Variants in NRBP2 observed in about 807,000 individuals in gnomAD.
NRBP2 encodes the protein nuclear receptor-binding protein 2.
In NRBP2, 47 loss-of-function variants were observed where a neutral mutation model predicts 74.4. The observed-to-expected ratio is 0.63, with a 90% CI of 0.50 to 0.81. The LOEUF is 0.81. Among genes scored for constraint, NRBP2 ranks in the 30% least tolerant of loss-of-function variants. The pLI is 0.00. For synonymous variants in NRBP2, 312 were observed against 273.8 expected, an observed-to-expected ratio of 1.14 and a Z score of -1.38; for missense variants, 613 against 690.1, an observed-to-expected ratio of 0.89 and a Z score of 1.25.
downstream of NRBP2, among the ~76,000 whole-genome samples, chr8:143,830,129 A>G (rs909669930): frequency 6.6e-5 from 10 of 152,242 alleles, no homozygotes; most frequent in African/African-American, 2.2e-4. Flanking sequence ...TTTAATACAG[A>G]CACTTCTACT....
Position 143,839,925 on chromosome 8 carries a change from T to C in NRBP2, c.354+4A>G. ...TGCCTGCCCGGGGCCTTGCCCGTGC[T>C]CACCCTCGCGCAGGCCTCAGAGGTA... On this transcript the variant is annotated splice_donor_region_variant and intron_variant, in intron 3 of 17. Coordinates refer to ENST00000442628, the MANE Select transcript of NRBP2 (RefSeq NM_178564.4). The surrounding 1 kb of genome is among the most constrained non-coding windows in gnomAD (Gnocchi z 5.1). 1 of 1,535,946 alleles carries C rather than the reference T, an allele frequency of 6.5e-7. No individual in the cohort carries two copies. The highest frequency in any genetic ancestry group is 8.7e-7 in the Non-Finnish European group (1 of 1,146,760).
chr8:143,840,042 G>A lies in NRBP2; in HGVS notation c.253-12C>T. 6.5e-7 allele frequency: 1 copy of A among 1,536,164 alleles called. No individual in the cohort carries two copies. Among genetic ancestry groups the A allele is most frequent in the Non-Finnish European group, 8.7e-7 (1 of 1,146,900 alleles). ...GTCTGGATCTTCTCCTGGGGAGGGA[G>A]GGTGGTCGCTGGGTGGTCAGCAGGT... On this transcript the variant is annotated splice_polypyrimidine_tract_variant and intron_variant, in intron 2 of 17. Coordinates refer to ENST00000442628, the MANE Select transcript of NRBP2 (RefSeq NM_178564.4). The surrounding 1 kb of genome is among the most constrained non-coding windows in gnomAD (Gnocchi z 5.7).
In NRBP2 at chr8:143,835,888, C is replaced by T. The variant is rs781919962; in HGVS notation, c.1382-13G>A. 8.7e-5 allele frequency: 139 copies of T among 1,601,788 alleles called. No individual in the cohort carries two copies. Among genetic ancestry groups the T allele is most frequent in the Middle Eastern group, 8.3e-4 (5 of 6,060 alleles). On this transcript the variant is annotated splice_polypyrimidine_tract_variant and intron_variant, in intron 16 of 17. Coordinates refer to ENST00000442628, the MANE Select transcript of NRBP2 (RefSeq NM_178564.4). This position sits in a 1 kb window ranked among gnomAD's most constrained non-coding sequence, Gnocchi z 4.9. Reference sequence around the variant, plus strand: ...TGGGCGCTGTCCGCTGAGGCAATGGCGTAAGGCGAGGCATGAGGCCGCTGC... The same window carrying T: ...TGGGCGCTGTCCGCTGAGGCAATGGTGTAAGGCGAGGCATGAGGCCGCTGC...
At chr8:143,831,006 G>A (rs1180875781), downstream of NRBP2, among the ~76,000 whole-genome samples, 4 of 152,216 alleles carry the variant, frequency 2.6e-5, no homozygotes, top group African/African-American at 9.7e-5. Context: ...TGCTCTTAGG[G>A]CTAGCCTGGC....
At position 143,837,817 on chromosome 8, in the gene NRBP2, C is replaced by T. The variant is rs782389884; in HGVS notation, c.841-62G>A. 7.3e-5 allele frequency: 113 copies of T among 1,545,902 alleles called. 1 individual carries two copies. The highest frequency in any genetic ancestry group is 3.9e-5 in the Admixed American group (2 of 50,976). On this transcript the variant is annotated intron_variant, in intron 10 of 17. Transcript: ENST00000442628. The surrounding 1 kb of genome is among the most constrained non-coding windows in gnomAD (Gnocchi z 4.3). ...GGCTCTCTGCTCTGGCCCCGCAGTT[C>T]GAGGAGAGGTGGCCCCTGAGTTCCC... is the stretch of plus-strand genomic sequence containing the variant.
Position 143,837,837 on chromosome 8 carries a change from G to A in NRBP2, c.841-82C>T. 2.0e-6 allele frequency: 3 copies of A among 1,508,426 alleles called. No individual in the cohort carries two copies. Among genetic ancestry groups the A allele is most frequent in the Non-Finnish European group, 2.7e-6 (3 of 1,113,562 alleles). 93.4% of individuals were successfully genotyped at this position (1,508,426 alleles called of 1,614,324 possible). ...CAGTTCGAGGAGAGGTGGCCCCTGA[G>A]TTCCCCATGTCCCTCCTCAGGGACA... On this transcript the variant is annotated intron_variant, in intron 10 of 17. Coordinates refer to ENST00000442628, the MANE Select transcript of NRBP2 (RefSeq NM_178564.4). This position sits in a 1 kb window ranked among gnomAD's most constrained non-coding sequence, Gnocchi z 4.3.
chr8:143,836,940 G>A, intron 14 of NRBP2, 99 bp downstream of exon 14: 4 of 1,363,290 alleles, frequency 2.9e-6, no homozygotes, highest in African/African-American at 1.5e-5. Context: ...AGGAGAGCTG[G>A]GCTGTGGGGA....
Position 143,839,957 on chromosome 8 carries a change from C to T in NRBP2, c.326G>A (p.Trp109Ter). ...HPNIVKLHKY[W>*]LDTSEACARV... Reference sequence around the variant, plus strand: ...CGCGCAGGCCTCAGAGGTATCCAGCCAGTACTTGTGCAACTTCACGATGTT... The same window carrying T: ...CGCGCAGGCCTCAGAGGTATCCAGCTAGTACTTGTGCAACTTCACGATGTT... Residue 109 changes from tryptophan to a stop codon, truncating the protein, a stop_gained, in exon 3 of 18, where the codon TGG becomes TAG. Coordinates refer to ENST00000442628, the MANE Select transcript of NRBP2 (RefSeq NM_178564.4). LOFTEE classifies it high-confidence loss of function. This position sits in a 1 kb window ranked among gnomAD's most constrained non-coding sequence, Gnocchi z 5.1. 1 of 1,536,190 alleles carries T rather than the reference C, an allele frequency of 6.5e-7. No individual in the cohort carries two copies.
chr8:143,838,580 T>C (rs1554652540), intron 10 of NRBP2, 100 bp downstream of exon 10: 2 of 857,018 alleles, frequency 2.3e-6, no homozygotes, highest in African/African-American at 1.7e-5. Flanking sequence ...ACCCCTCAAC[T>C]GCACAAACTG....
Position 143,833,995 on chromosome 8 carries a change from T to C in NRBP2, c.*1667A>G, listed in dbSNP as rs1464714444. 1.3e-5 allele frequency: 2 copies of C among 152,250 alleles called. No individual in the cohort carries two copies. Among genetic ancestry groups the C allele is most frequent in the East Asian group, 3.8e-4 (2 of 5,206 alleles). The allele number at this position is 152,250 out of a possible 1,614,324, so 9.4% of individuals were successfully genotyped here. On this transcript the variant is annotated 3_prime_UTR_variant, in exon 18 of 18. Transcript: ENST00000442628. Reference sequence around the variant, plus strand: ...TTTATTTGATATGCGTTAGTAAGTCTTGCTTTGGTTTTTGGCTTTTGGTTG... The same window carrying C: ...TTTATTTGATATGCGTTAGTAAGTCCTGCTTTGGTTTTTGGCTTTTGGTTG...
rs1005270417 is a variant in NRBP2 at position 143,835,761 on chromosome 8, G to C, written c.1438-31C>G. On this transcript the variant is annotated intron_variant, in intron 17 of 17. Coordinates refer to ENST00000442628, the MANE Select transcript of NRBP2 (RefSeq NM_178564.4). This position sits in a 1 kb window ranked among gnomAD's most constrained non-coding sequence, Gnocchi z 4.9. ...GAAGGAGGGAGGCATGGGGGACGGA[G>C]GGGCGCGGCCTGCCCCGTGCGCCCC... 3 of 1,595,170 alleles carry C rather than the reference G, an allele frequency of 1.9e-6. No individual in the cohort carries two copies. The highest frequency in any genetic ancestry group is 2.7e-5 in the African/African-American group (2 of 74,044).
chr8:143,838,304 G>A (rs1554652481), intron 10 of NRBP2, among the ~76,000 whole-genome samples: 1 of 151,736 alleles, frequency 6.6e-6, no homozygotes, highest in Non-Finnish European at 1.5e-5. Flanking sequence ...ATCACCTCCT[G>A]GAAGCTTAAA....
Position 143,835,992 on chromosome 8 carries a change from C to T in NRBP2, c.1356G>A (p.Arg452=), listed in dbSNP as rs1818358862. 1 of 1,577,482 alleles carries T rather than the reference C, an allele frequency of 6.3e-7. No individual in the cohort carries two copies. Among genetic ancestry groups the T allele is most frequent in the Non-Finnish European group, 8.6e-7 (1 of 1,162,178 alleles). The change falls in exon 16 of 18, where the codon CGG becomes CGA. Residue 452 remains arginine, a synonymous_variant. Transcript: ENST00000442628. The surrounding 1 kb of genome is among the most constrained non-coding windows in gnomAD (Gnocchi z 4.9). ...LLLVLEDRLH[R]QLTYDLLPTD... is the part of the protein sequence containing the mutation. ...TTGGGAGCAGGTCGTAGGTCAGCTG[C>T]CGGTGCAGCCGGTCTTCCAGCACCA...
downstream of NRBP2, chr8:143,829,997 A>T (rs1210969394): frequency 2.6e-5 from 4 of 152,428 alleles, no homozygotes; most frequent in East Asian, 7.7e-4. Flanking sequence ...TGCTGCACCC[A>T]GTCCCGAGAC....
At chr8:143,832,970 T>C (rs1432021514), downstream of NRBP2, among the ~76,000 whole-genome samples, 1 of 152,060 alleles carries the variant, frequency 6.6e-6, no homozygotes, top group African/African-American at 2.4e-5. Context: ...GACAAACAGG[T>C]AAAGACTCCA....
downstream of NRBP2, among the ~76,000 whole-genome samples, chr8:143,831,282 C>T (rs1315672713): frequency 6.6e-6 from 1 of 152,234 alleles, no homozygotes; most frequent in Non-Finnish European, 1.5e-5. Context: ...AGAATGGCTC[C>T]AGAGCCTGTG....
chr8:143,839,593 G>A lies in NRBP2; in HGVS notation c.445-44C>T, dbSNP rs782429474. 2.0e-6 allele frequency: 3 copies of A among 1,517,712 alleles called. No homozygotes were observed. Among genetic ancestry groups the A allele is most frequent in the Non-Finnish European group, 8.8e-7 (1 of 1,138,716 alleles). The allele number at this position is 1,517,712 out of a possible 1,614,324, so 94.0% of individuals were successfully genotyped here. A position where few individuals can be genotyped will look rare whatever the true frequency, so the allele number is the denominator to read the frequency against. On this transcript the variant is annotated intron_variant, in intron 4 of 17. Coordinates refer to ENST00000442628, the MANE Select transcript of NRBP2 (RefSeq NM_178564.4). The surrounding 1 kb of genome is among the most constrained non-coding windows in gnomAD (Gnocchi z 5.1). ...CTCCGTCGGTCGGGTGGGCGCAGGA[G>A]AGGCGGCTGGGCCTGCGGAGCCCGC... is the stretch of plus-strand genomic sequence containing the variant.
chr8:143,837,856 A>C lies in NRBP2; in HGVS notation c.841-101T>G. On this transcript the variant is annotated intron_variant, in intron 10 of 17. Coordinates refer to ENST00000442628, the MANE Select transcript of NRBP2 (RefSeq NM_178564.4). This position sits in a 1 kb window ranked among gnomAD's most constrained non-coding sequence, Gnocchi z 4.3. ...CCCTGAGTTCCCCATGTCCCTCCTCAGGGACACACAGGACATGCAGGGATG... is the reference window on the plus strand; with the variant it reads ...CCCTGAGTTCCCCATGTCCCTCCTCCGGGACACACAGGACATGCAGGGATG... 1 of 1,404,690 alleles carries C rather than the reference A, an allele frequency of 7.1e-7. No individual in the cohort carries two copies. The highest frequency in any genetic ancestry group is 1.4e-5 in the African/African-American group (1 of 70,490). The allele number at this position is 1,404,690 out of a possible 1,614,324, so 87.0% of individuals were successfully genotyped here.
chr8:143,839,899 C>CT lies in NRBP2; in HGVS notation c.354+29dup. The CT allele has an allele frequency of 3.3e-6, 5 of 1,535,698 alleles. No homozygotes were observed. Among genetic ancestry groups the CT allele is most frequent in the Non-Finnish European group, 4.4e-6 (5 of 1,146,472 alleles). ...TGCCCGCCCCACCTAGCTGTGGTCTCTGCCTGCCCGGGGCCTTGCCCGTGC... is the reference window on the plus strand; with the variant it reads ...TGCCCGCCCCACCTAGCTGTGGTCTCTTGCCTGCCCGGGGCCTTGCCCGTGC... On this transcript the variant is annotated intron_variant, in intron 3 of 17. Coordinates refer to ENST00000442628, the MANE Select transcript of NRBP2 (RefSeq NM_178564.4). This position sits in a 1 kb window ranked among gnomAD's most constrained non-coding sequence, Gnocchi z 5.1.
Sources: allele counts gnomAD v4.1 joint callset (sites outside exome capture counted in the v4.1 genomes callset), GRCh38; gene constraint gnomAD v4.1.1; non-coding constraint Gnocchi (gnomAD v3.1); transcripts MANE v1.5; gene names NCBI Gene and HGNC (gene_info 2026-07-23, HGNC 2026-07-21).